Variants in NPAS3 observed in about 807,000 individuals in gnomAD.
NPAS3 encodes the protein neuronal PAS domain protein 3.
Under a neutral mutation model 73.1 loss-of-function variants are expected in NPAS3, and 14 were observed. The ratio of observed to expected loss-of-function variants is 0.19; its 90% CI spans 0.13 to 0.30. NPAS3 has a LOEUF of 0.30. NPAS3 is among the 10% of genes least tolerant of loss of function. The pLI is 1.00. For synonymous variants in NPAS3, 620 were observed against 541.5 expected, an observed-to-expected ratio of 1.14 and a Z score of -2.01; for missense variants, 1,096 against 1,250.0, an observed-to-expected ratio of 0.88 and a Z score of 1.86.
intron 3 of NPAS3, among the ~76,000 whole-genome samples, chr14:33,355,290 C>T (rs910795780): frequency 3.3e-5 from 5 of 152,150 alleles, no homozygotes; most frequent in African/African-American, 1.2e-4. Context: ...TTCCTGCAGT[C>T]CTCCAAGTAA....
chr14:33,017,836 G>A (rs1424035073), intron 1 of NPAS3, among the ~76,000 whole-genome samples: 1 of 152,092 alleles, frequency 6.6e-6, no homozygotes, highest in East Asian at 1.9e-4. Flanking sequence ...AGCATCAAGT[G>A]GACAGAAATA....
chr14:33,470,201 A>G (rs1242300560), intron 4 of NPAS3, among the ~76,000 whole-genome samples: 1 of 152,194 alleles, frequency 6.6e-6, no homozygotes, highest in African/African-American at 2.4e-5. Flanking sequence ...CACTTACAAC[A>G]TATTTTATTG....
intron 3 of NPAS3, among the ~76,000 whole-genome samples, chr14:33,259,842 A>C (rs1050304661): frequency 7.8e-6 from 1 of 128,208 alleles, no homozygotes; most frequent in Admixed American, 9.1e-5. Flanking sequence ...AATAAATAAT[A>C]AGCAGCAGCA....
In NPAS3 at chr14:32,939,355, C is replaced by A. The variant is rs2035866979; in HGVS notation, c.39C>A (p.Ser13=). ...AGCCCAGCTTTCAGCAGGATCCTTC[C>A]AGGCGAGAACGGTAACACTTTTCTG... The change falls in exon 1 of 12, where the codon TCC becomes TCA. Residue 13 remains serine (S), a synonymous_variant. Transcript: ENST00000356141. 5.5e-6 allele frequency: 4 copies of A among 722,632 alleles called. No homozygotes were observed. The East Asian group carries it at 1.4e-4, about 25-fold the overall frequency. 44.8% of individuals were successfully genotyped at this position (722,632 alleles called of 1,614,324 possible).
chr14:33,385,407 G>C (rs1399088477), intron 4 of NPAS3, among the ~76,000 whole-genome samples: 1 of 152,118 alleles, frequency 6.6e-6, no homozygotes, highest in Non-Finnish European at 1.5e-5. Flanking sequence ...GCTCATAGCT[G>C]TTTTAGACCC....
Position 33,284,505 on chromosome 14 carries a change from G to A in NPAS3, c.385+69079G>A, listed in dbSNP as rs890588442. Among the ~76,000 whole-genome samples the A allele has an allele frequency of 5.9e-5, 9 of 152,182 alleles. No homozygotes were observed. The East Asian group carries it at 1.2e-3, about 20-fold the overall frequency. ...AGTATGATACTAATAGAAATGAAAA[G>A]CCTCTATGTATAGATGCTTGATTTG... On this transcript the variant is annotated intron_variant, in intron 3 of 11. Transcript: ENST00000356141.
intron 10 of NPAS3, among the ~76,000 whole-genome samples, chr14:33,795,350 G>A (rs773160699): frequency 1.2e-4 from 19 of 152,002 alleles, no homozygotes; most frequent in Admixed American, 3.3e-4. Context: ...CCTGATTTCC[G>A]TGCAAAGTCT....
At chr14:33,775,265 G>C (rs990410932) in intron 8 of NPAS3, among the ~76,000 whole-genome samples, 5 of 152,150 alleles carry the variant, frequency 3.3e-5, no homozygotes, top group Non-Finnish European at 7.3e-5. Context: ...GTGCAGGGAG[G>C]GCCGTGGAGA....
chr14:33,756,974 G>C (rs1355359824), intron 7 of NPAS3, among the ~76,000 whole-genome samples: 1 of 152,216 alleles, frequency 6.6e-6, no homozygotes, highest in Non-Finnish European at 1.5e-5. Context: ...CACCCTTGAA[G>C]AATGAATATT....
chr14:33,373,754 A>C (rs868675041), intron 4 of NPAS3, among the ~76,000 whole-genome samples: 5 of 152,116 alleles, frequency 3.3e-5, no homozygotes, highest in South Asian at 2.1e-4. Context: ...TCTGGCCACA[A>C]ATGAATTTTT....
chr14:33,088,054 G>A (rs566177179), intron 2 of NPAS3, among the ~76,000 whole-genome samples: 1 of 152,262 alleles, frequency 6.6e-6, no homozygotes, highest in African/African-American at 2.4e-5. Flanking sequence ...GCCCACCACG[G>A]TGCGGTTCCA....
intron 2 of NPAS3, among the ~76,000 whole-genome samples, chr14:33,158,659 C>T (rs1260932769): frequency 6.6e-6 from 1 of 152,032 alleles, no homozygotes; most frequent in Admixed American, 6.6e-5. Context: ...ATTATGAGAA[C>T]AGTACATAAC....
At chr14:33,383,463 G>A (rs923596990) in intron 4 of NPAS3, among the ~76,000 whole-genome samples, 1 of 152,140 alleles carries the variant, frequency 6.6e-6, no homozygotes, top group Non-Finnish European at 1.5e-5. Context: ...GCTCCTAGTA[G>A]GGTTAATGCA....
chr14:33,574,040 C>T (rs2056336911), intron 5 of NPAS3, among the ~76,000 whole-genome samples: 1 of 152,162 alleles, frequency 6.6e-6, no homozygotes, highest in Non-Finnish European at 1.5e-5. Context: ...GCTCGTGGGA[C>T]ATCTGTTGAA....
chr14:33,147,754 T>TATACAC (rs368950295), intron 2 of NPAS3, among the ~76,000 whole-genome samples: 12 of 142,440 alleles, frequency 8.4e-5, no homozygotes, highest in African/African-American at 3.2e-4. Flanking sequence ...TATATATATA[T>TATACAC]ACACACAAAA....
At chr14:33,777,426 T>TTTTG (rs1274338324) in intron 8 of NPAS3, among the ~76,000 whole-genome samples, 1 of 152,162 alleles carries the variant, frequency 6.6e-6, no homozygotes, top group East Asian at 1.9e-4. Flanking sequence ...ATGTTTCTTT[T>TTTTG]TTTGTTTGTT....
At chr14:33,080,586 A>G (rs1350143908) in intron 2 of NPAS3, among the ~76,000 whole-genome samples, 1 of 152,244 alleles carries the variant, frequency 6.6e-6, no homozygotes, top group Non-Finnish European at 1.5e-5. Context: ...AGTCTCTAGA[A>G]GAAAATGAAA....
intron 3 of NPAS3, among the ~76,000 whole-genome samples, chr14:33,239,819 A>G (rs924560620): frequency 2.0e-5 from 3 of 151,844 alleles, no homozygotes; most frequent in African/African-American, 7.2e-5. Context: ...AGAAAGTGCA[A>G]TTTGCTCCCT....
At chr14:33,366,358 A>G (rs911107470) in intron 3 of NPAS3, among the ~76,000 whole-genome samples, 10 of 152,172 alleles carry the variant, frequency 6.6e-5, no homozygotes, top group Admixed American at 1.3e-4. Flanking sequence ...ATGACACTCA[A>G]TTCTGGATTC....
Sources: allele counts gnomAD v4.1 joint callset (sites outside exome capture counted in the v4.1 genomes callset), GRCh38; gene constraint gnomAD v4.1.1; transcripts MANE v1.5; gene names NCBI Gene and HGNC (gene_info 2026-07-23, HGNC 2026-07-21).